Variants in ERC2 observed in about 807,000 individuals in gnomAD.
ERC2 encodes ERC protein 2.
A neutral mutation model predicts 114.8 loss-of-function variants in ERC2; 42 were observed. The observed-to-expected ratio is 0.37, with a 90% CI of 0.29 to 0.47. ERC2 has a LOEUF of 0.47. Ranked by LOEUF, ERC2 falls within the 20% of genes least tolerant of loss-of-function variation. The pLI is 0.99. For synonymous variants in ERC2, 454 were observed against 425.5 expected (o/e 1.07, Z -0.82); for missense variants, 939 against 1,150.7 (o/e 0.82, Z 2.66).
chr3:55,872,824 C>A (rs529185163), intron 14 of ERC2, among the ~76,000 whole-genome samples: 3 of 152,264 alleles, frequency 2.0e-5, no homozygotes, highest in African/African-American at 7.2e-5. Flanking sequence ...ACTAATACAC[C>A]GGCTCAAGGT....
At chr3:55,930,635 T>C (rs796420137) in intron 13 of ERC2, among the ~76,000 whole-genome samples, 5 of 152,244 alleles carry the variant, frequency 3.3e-5, no homozygotes, top group African/African-American at 1.2e-4. Flanking sequence ...ACGTAAGATC[T>C]AAAACCATAA....
At chr3:56,408,948 A>C (rs759730305) in intron 2 of ERC2, among the ~76,000 whole-genome samples, 1 of 152,232 alleles carries the variant, frequency 6.6e-6, no homozygotes, top group Non-Finnish European at 1.5e-5. Context: ...GGTCAAGACA[A>C]AGCAGGTGTG....
chr3:55,906,188 C>CTTTGT, intron 13 of ERC2, among the ~76,000 whole-genome samples: 1 of 71,688 alleles, frequency 1.4e-5, no homozygotes, highest in Non-Finnish European at 3.1e-5. Flanking sequence ...AAAGTAGTGG[C>CTTTGT]AGGGGGGGCC....
At chr3:56,069,737 G>T (rs576118613) in intron 7 of ERC2, among the ~76,000 whole-genome samples, 1 of 152,080 alleles carries the variant, frequency 6.6e-6, no homozygotes, top group Non-Finnish European at 1.5e-5. Context: ...ATTATATGTG[G>T]GTGCTACTGC....
At chr3:55,826,416 G>GTTGAAGCC (rs1157739097) in intron 14 of ERC2, among the ~76,000 whole-genome samples, 6 of 152,162 alleles carry the variant, frequency 3.9e-5, no homozygotes, top group Non-Finnish European at 8.8e-5. Context: ...AATACCTTAA[G>GTTGAAGCC]TTGAAGCCTA....
intron 17 of ERC2, among the ~76,000 whole-genome samples, chr3:55,584,174 T>G (rs2057472802): frequency 6.6e-6 from 1 of 152,166 alleles, no homozygotes; most frequent in Non-Finnish European, 1.5e-5. Context: ...GGGAAGCCTA[T>G]TGGTGAAGAG....
At chr3:56,374,057 G>A (rs1460054360) in intron 2 of ERC2, among the ~76,000 whole-genome samples, 1 of 152,016 alleles carries the variant, frequency 6.6e-6, no homozygotes, top group Non-Finnish European at 1.5e-5. Context: ...CACCTTGCAT[G>A]CCCACCCCTA....
rs564435442 is a variant in ERC2 at position 55,536,845 on chromosome 3, G to T, written c.*40-25569C>A. 3.3e-5 allele frequency among the ~76,000 whole-genome samples: 5 copies of T among 152,206 alleles called. No individual in the cohort carries two copies. In the East Asian group the frequency reaches 9.7e-4, roughly 29 times the overall value. On this transcript the variant is annotated intron_variant, in intron 17 of 17. Coordinates refer to ENST00000288221, the MANE Select transcript of ERC2 (RefSeq NM_015576.3). ...CCCCTCGGCCCAGTGCCTCAACCCCGTCCTACAGGAAGGGACTGTGAAACC... is the reference window on the plus strand; with the variant it reads ...CCCCTCGGCCCAGTGCCTCAACCCCTTCCTACAGGAAGGGACTGTGAAACC...
At chr3:55,899,643 G>T (rs2064028059) in intron 13 of ERC2, among the ~76,000 whole-genome samples, 1 of 152,112 alleles carries the variant, frequency 6.6e-6, no homozygotes, top group South Asian at 2.1e-4. Flanking sequence ...AAGGAAAGAT[G>T]CTCATGAAAT....
chr3:55,922,345 A>C (rs568403360), intron 13 of ERC2, among the ~76,000 whole-genome samples: 3 of 152,190 alleles, frequency 2.0e-5, no homozygotes, highest in African/African-American at 7.2e-5. Flanking sequence ...ACTGAAAAAA[A>C]AAATTGTCCT....
At chr3:56,246,531 T>C (rs904953731) in intron 3 of ERC2, among the ~76,000 whole-genome samples, 5 of 152,138 alleles carry the variant, frequency 3.3e-5, no homozygotes, top group Non-Finnish European at 5.9e-5. Flanking sequence ...CATCCACTAT[T>C]CCAATCATGT....
intron 14 of ERC2, among the ~76,000 whole-genome samples, chr3:55,749,580 G>A (rs932301009): frequency 6.6e-6 from 1 of 152,108 alleles, no homozygotes; most frequent in Non-Finnish European, 1.5e-5. Flanking sequence ...ACCAATCAGC[G>A]CTCTATAAAA....
chr3:55,833,698 C>A (rs2060727900), intron 14 of ERC2, among the ~76,000 whole-genome samples: 1 of 152,168 alleles, frequency 6.6e-6, no homozygotes, highest in Admixed American at 6.5e-5. Context: ...GAAACTGCAT[C>A]AACTAACGAG....
intron 14 of ERC2, among the ~76,000 whole-genome samples, chr3:55,821,152 C>G (rs998562781): frequency 6.6e-6 from 1 of 152,168 alleles, no homozygotes; most frequent in Non-Finnish European, 1.5e-5. Flanking sequence ...ACCACATCAA[C>G]TGAACAGTGA....
At chr3:56,171,661 A>T (rs951116539) in intron 4 of ERC2, among the ~76,000 whole-genome samples, 8 of 151,968 alleles carry the variant, frequency 5.3e-5, no homozygotes, top group African/African-American at 1.7e-4. Context: ...TTATTTATAA[A>T]TTTTTTTATA....
chr3:56,102,527 C>T (rs1286935568), intron 6 of ERC2, among the ~76,000 whole-genome samples: 1 of 152,154 alleles, frequency 6.6e-6, no homozygotes, highest in East Asian at 1.9e-4. Context: ...CAGCAGAGTT[C>T]AGCAATGAGG....
chr3:55,519,855 A>G (rs1008370474), intron 17 of ERC2, among the ~76,000 whole-genome samples: 10 of 152,054 alleles, frequency 6.6e-5, no homozygotes, highest in Non-Finnish European at 1.3e-4. Flanking sequence ...ACATGACGAA[A>G]CCAGCCTGGG....
intron 17 of ERC2, among the ~76,000 whole-genome samples, chr3:55,667,581 T>C (rs2061403342): frequency 6.6e-6 from 1 of 152,206 alleles, no homozygotes; most frequent in Non-Finnish European, 1.5e-5. Flanking sequence ...CAGCTGAGAA[T>C]CAGCTATGGA....
At chr3:56,294,055 C>T (rs1177457890) in intron 3 of ERC2, among the ~76,000 whole-genome samples, 1 of 152,224 alleles carries the variant, frequency 6.6e-6, no homozygotes, top group African/African-American at 2.4e-5. Flanking sequence ...CTATAGTGAT[C>T]CTCTATCAAC....
Sources: allele counts gnomAD v4.1 joint callset (sites outside exome capture counted in the v4.1 genomes callset), GRCh38; gene constraint gnomAD v4.1.1; transcripts MANE v1.5; gene names NCBI Gene and HGNC (gene_info 2026-07-23, HGNC 2026-07-21).